Variants in UNC13C observed in about 807,000 individuals in gnomAD.
UNC13C encodes protein unc-13 homolog C.
In UNC13C, 174 loss-of-function variants were observed where a neutral mutation model predicts 245.4. The observed-to-expected ratio is 0.71, with a 90% confidence interval of 0.63 to 0.80. UNC13C has a LOEUF of 0.80. Ranked by LOEUF, UNC13C falls within the 30% of genes least tolerant of loss-of-function variation. The probability of loss-of-function intolerance (pLI) is 0.00; values close to 1 mark genes in which losing one functional copy is unlikely to be tolerated. For missense variants in UNC13C, 2,829 were observed against 2,602.9 expected (o/e 1.09, Z -1.89); for synonymous variants, 992 against 895.1 (o/e 1.11, Z -1.93).
chr15:53,865,488 G>A, the UNC13C span, among the ~76,000 whole-genome samples: 10 of 152,022 alleles, frequency 6.6e-5, no homozygotes, highest in Non-Finnish European at 1.3e-4. Flanking sequence ...CTTCTTCTAA[G>A]GACACCAGTC....
At chr15:54,272,543 G>C (rs994804536) in intron 10 of UNC13C, among the ~76,000 whole-genome samples, 2 of 152,174 alleles carry the variant, frequency 1.3e-5, no homozygotes, top group Admixed American at 1.3e-4. Context: ...CAAGTCATTT[G>C]TCACAGAAGA....
the UNC13C span, among the ~76,000 whole-genome samples, chr15:53,944,085 GTTAGT>G: frequency 0.15 from 23,381 of 151,798 alleles, 2,119 homozygotes; most frequent in Middle Eastern, 0.22. Flanking sequence ...CTGTCTTTTA[GTTAGT>G]TTATTTGGGT....
chr15:54,418,971 C>A (rs561905943), intron 19 of UNC13C, among the ~76,000 whole-genome samples: 2 of 152,200 alleles, frequency 1.3e-5, no homozygotes, highest in Admixed American at 1.3e-4. Context: ...CTCCCTCCTC[C>A]CTTGCAATTG....
At chr15:53,855,715 C>T in the UNC13C span, among the ~76,000 whole-genome samples, 1 of 152,092 alleles carries the variant, frequency 6.6e-6, no homozygotes, top group Non-Finnish European at 1.5e-5. Flanking sequence ...GGATAATTCA[C>T]CATCGATGTT....
intron 19 of UNC13C, among the ~76,000 whole-genome samples, chr15:54,475,553 C>A (rs1249867194): frequency 6.6e-6 from 1 of 151,380 alleles, no homozygotes; most frequent in Non-Finnish European, 1.5e-5. Context: ...TGAGAACATG[C>A]AGTGTTTGGT....
the UNC13C span, among the ~76,000 whole-genome samples, chr15:53,964,724 A>G: frequency 6.6e-6 from 1 of 152,206 alleles, no homozygotes; most frequent in Non-Finnish European, 1.5e-5. Flanking sequence ...ATGAAATGCC[A>G]CATTTAAAAA....
At chr15:54,110,085 C>T (rs1218859533) in intron 2 of UNC13C, among the ~76,000 whole-genome samples, 2 of 151,996 alleles carry the variant, frequency 1.3e-5, no homozygotes, top group East Asian at 3.9e-4. Flanking sequence ...TAAGAACAGC[C>T]TGGCCGATAT....
intron 10 of UNC13C, among the ~76,000 whole-genome samples, chr15:54,274,354 CATT>C (rs1264638689): frequency 6.6e-6 from 1 of 152,148 alleles, no homozygotes; most frequent in Non-Finnish European, 1.5e-5. Flanking sequence ...TTGCAAATAT[CATT>C]ATAATTATAG....
chr15:54,317,801 A>T (rs555413125), intron 13 of UNC13C, among the ~76,000 whole-genome samples: 36 of 151,916 alleles, frequency 2.4e-4, no homozygotes, highest in Non-Finnish European at 4.7e-4. Flanking sequence ...ATCATTAACT[A>T]TAGTCACCAT....
chr15:54,284,974 TGTGGGTTCTAGAAG>T (rs1333916708), intron 10 of UNC13C, among the ~76,000 whole-genome samples: 1 of 152,156 alleles, frequency 6.6e-6, no homozygotes, highest in Non-Finnish European at 1.5e-5. Flanking sequence ...ATAATCTAAT[TGTGGGTTCTAGAAG>T]GTGGTTCAGG....
At chr15:53,989,718 A>G (rs1894298618) in intron 1 of UNC13C, among the ~76,000 whole-genome samples, 1 of 152,066 alleles carries the variant, frequency 6.6e-6, no homozygotes, top group Non-Finnish European at 1.5e-5. Flanking sequence ...AGCAGTACTC[A>G]TCTTGATTTA....
chr15:54,529,804 T>C (rs1229390128), intron 25 of UNC13C, among the ~76,000 whole-genome samples: 2 of 152,152 alleles, frequency 1.3e-5, no homozygotes, highest in African/African-American at 4.8e-5. Flanking sequence ...TTCCAATCAT[T>C]TGACCATTTT....
intron 30 of UNC13C, among the ~76,000 whole-genome samples, chr15:54,610,683 T>A (rs950276014): frequency 6.6e-6 from 1 of 152,200 alleles, no homozygotes; most frequent in Non-Finnish European, 1.5e-5. Flanking sequence ...TTACAACAAT[T>A]GAAATAGGTA....
intron 30 of UNC13C, among the ~76,000 whole-genome samples, chr15:54,580,219 C>T (rs1898140027): frequency 6.6e-6 from 1 of 152,182 alleles, no homozygotes; most frequent in South Asian, 2.1e-4. Flanking sequence ...TGCCTCACAA[C>T]CTGCACGTGT....
intron 19 of UNC13C, among the ~76,000 whole-genome samples, chr15:54,450,713 G>C (rs559137360): frequency 6.6e-6 from 1 of 152,182 alleles, no homozygotes; most frequent in East Asian, 1.9e-4. Flanking sequence ...GACCCCTTGC[G>C]CTTCCCGGTT....
At chr15:53,876,631 A>G in the UNC13C span, among the ~76,000 whole-genome samples, 1 of 152,128 alleles carries the variant, frequency 6.6e-6, no homozygotes. Context: ...TTTGGTTTCA[A>G]ATGGTTTTTA....
intron 19 of UNC13C, among the ~76,000 whole-genome samples, chr15:54,475,186 G>C (rs1892659758): frequency 6.6e-6 from 1 of 151,852 alleles, no homozygotes; most frequent in African/African-American, 2.4e-5. Context: ...CCAGTGTTCT[G>C]AAGTGTTCAC....
intron 19 of UNC13C, among the ~76,000 whole-genome samples, chr15:54,418,383 G>A (rs1456377217): frequency 6.6e-6 from 1 of 152,042 alleles, no homozygotes; most frequent in Non-Finnish European, 1.5e-5. Context: ...CGTTTTAGTG[G>A]GGAAATGGAG....
chr15:54,493,168 T>C (rs1893800382), intron 19 of UNC13C, among the ~76,000 whole-genome samples: 1 of 152,170 alleles, frequency 6.6e-6, no homozygotes, highest in Non-Finnish European at 1.5e-5. Context: ...ATGTTTTCTC[T>C]TAAAGAGCAC....
Sources: allele counts gnomAD v4.1 joint callset (sites outside exome capture counted in the v4.1 genomes callset), GRCh38; gene constraint gnomAD v4.1.1; transcripts MANE v1.5; gene names NCBI Gene and HGNC (gene_info 2026-07-23, HGNC 2026-07-21).